The following VSTM4 variants were observed in gnomAD, a reference collection of about 807,000 sequenced individuals.
VSTM4 encodes V-set and transmembrane domain-containing protein 4.
A neutral mutation model predicts 36.4 loss-of-function variants in VSTM4; 20 were observed. The ratio of observed to expected loss-of-function variants is 0.55; its 90% CI spans 0.39 to 0.80. The LOEUF (loss-of-function observed/expected upper bound fraction) is 0.80. Ranked by LOEUF, VSTM4 falls within the 30% of genes least tolerant of loss-of-function variation. The probability of loss-of-function intolerance (pLI) is 0.00; values close to 1 mark genes in which losing one functional copy is unlikely to be tolerated. For synonymous variants in VSTM4, 182 were observed against 173.9 expected (o/e 1.05, Z -0.37); for missense variants, 392 against 404.5 (o/e 0.97, Z 0.26).
chr10:49,040,187 C>T (rs187671573), intron 7 of VSTM4, among the ~76,000 whole-genome samples: 6 of 152,294 alleles, frequency 3.9e-5, no homozygotes, highest in Admixed American at 3.9e-4. Context: ...ATTAGCAGAA[C>T]TTTGAAAGCA....
chr10:49,054,536 G>A (rs1442201662), intron 5 of VSTM4, among the ~76,000 whole-genome samples: 1 of 152,238 alleles, frequency 6.6e-6, no homozygotes, highest in Non-Finnish European at 1.5e-5. Flanking sequence ...AACAAGTGAT[G>A]TCAGCTGCCA....
chr10:49,054,193 C>T (rs555986187), intron 5 of VSTM4, among the ~76,000 whole-genome samples: 4 of 152,238 alleles, frequency 2.6e-5, no homozygotes, highest in African/African-American at 9.6e-5. Flanking sequence ...CAGGACCCAG[C>T]CCAGATAACA....
At chr10:49,067,903 A>G (rs1277389599) in intron 4 of VSTM4, among the ~76,000 whole-genome samples, 3 of 152,216 alleles carry the variant, frequency 2.0e-5, no homozygotes, top group Non-Finnish European at 2.9e-5. Context: ...CAAGACCCTT[A>G]TATAAAATGG....
Position 49,099,293 on chromosome 10 carries a change from C to T in VSTM4, c.457+8301G>A, listed in dbSNP as rs528877838. 9.8e-5 allele frequency among the ~76,000 whole-genome samples: 15 copies of T among 152,348 alleles called. No homozygotes were observed. In the South Asian group the frequency reaches 3.1e-3, roughly 32 times the overall value. On this transcript the variant is annotated intron_variant, in intron 2 of 7. Coordinates refer to ENST00000332853, the MANE Select transcript of VSTM4 (RefSeq NM_001031746.5). ...GAATCCTTTCGCAGAGAGAGCCTCC[C>T]AGCAGCATCCAGCAATGCTTAAGAT...
intron 5 of VSTM4, among the ~76,000 whole-genome samples, chr10:49,057,839 C>T (rs990099092): frequency 3.9e-5 from 6 of 152,216 alleles, no homozygotes; most frequent in African/African-American, 1.4e-4. Flanking sequence ...AAGCAAACAA[C>T]AGTGAGAAAT....
intron 7 of VSTM4, among the ~76,000 whole-genome samples, chr10:49,032,269 T>C (rs189986646): frequency 3.3e-5 from 5 of 152,324 alleles, no homozygotes; most frequent in African/African-American, 1.2e-4. Context: ...GTGGCGAGCA[T>C]GCAGACAGTA....
In VSTM4 at chr10:49,089,372, T is replaced by G. The variant is rs113483216; in HGVS notation, c.458-3349A>C. 2.5e-4 allele frequency among the ~76,000 whole-genome samples: 38 copies of G among 152,232 alleles called. 1 individual carries two copies. Among genetic ancestry groups the G allele is most frequent in the African/African-American group, 8.9e-4 (37 of 41,520 alleles). On this transcript the variant is annotated intron_variant, in intron 2 of 7. Coordinates refer to ENST00000332853, the MANE Select transcript of VSTM4 (RefSeq NM_001031746.5). Reference sequence around the variant, plus strand: ...TCAGTCCTTTGCCTCAGGGGGTGACTCTTCAATCTCTACACCTTGAATGAG... The same window carrying G: ...TCAGTCCTTTGCCTCAGGGGGTGACGCTTCAATCTCTACACCTTGAATGAG...
At chr10:49,110,188 G>A (rs1844867489) in intron 1 of VSTM4, among the ~76,000 whole-genome samples, 1 of 152,216 alleles carries the variant, frequency 6.6e-6, no homozygotes, top group Non-Finnish European at 1.5e-5. Context: ...CAAGATGGGT[G>A]GGATGAGAGT....
intron 1 of VSTM4, among the ~76,000 whole-genome samples, 196 bp from the exon 2 acceptor site, chr10:49,108,191 C>T (rs889116707): frequency 6.6e-5 from 10 of 152,206 alleles, no homozygotes; most frequent in Non-Finnish European, 1.5e-4. Flanking sequence ...CCCCCACTGT[C>T]TCATCTATGG....
rs569997601 is a variant in VSTM4, at chr10:49,014,516, C to T, written c.*5134G>A. The T allele has an allele frequency of 6.6e-6, 1 of 152,148 alleles. No homozygotes were observed. Among genetic ancestry groups the T allele is most frequent in the East Asian group, 1.9e-4 (1 of 5,178 alleles). 9.4% of individuals were successfully genotyped at this position (152,148 alleles called of 1,614,324 possible). Reference sequence around the variant, plus strand: ...AAGAGTCTTGTCCAAATCCCCACCCCCTGAGAAGATGAGGATTGCTCTGGG... The same window carrying T: ...AAGAGTCTTGTCCAAATCCCCACCCTCTGAGAAGATGAGGATTGCTCTGGG... On this transcript the variant is annotated 3_prime_UTR_variant, in exon 8 of 8. Transcript: ENST00000332853.
chr10:49,074,233 T>G (rs572283581), intron 4 of VSTM4, among the ~76,000 whole-genome samples: 1 of 152,404 alleles, frequency 6.6e-6, no homozygotes, highest in South Asian at 2.1e-4. Flanking sequence ...TGATTTTTCC[T>G]TTAATTATAA....
At chr10:49,068,297 T>C (rs1169893718) in intron 4 of VSTM4, among the ~76,000 whole-genome samples, 1 of 152,090 alleles carries the variant, frequency 6.6e-6, no homozygotes, top group Non-Finnish European at 1.5e-5. Context: ...TCCCATGAGC[T>C]GACCGGTGTT....
At chr10:49,084,970 A>T (rs1414032463) in intron 3 of VSTM4, among the ~76,000 whole-genome samples, 1 of 152,254 alleles carries the variant, frequency 6.6e-6, no homozygotes, top group East Asian at 1.9e-4. Context: ...GAGTACCCCC[A>T]AAAGCTGTGA....
chr10:49,071,512 C>T (rs1057267607), intron 4 of VSTM4, among the ~76,000 whole-genome samples: 2 of 152,180 alleles, frequency 1.3e-5, no homozygotes, highest in Admixed American at 1.3e-4. Context: ...CATATGTGTG[C>T]AATCAGCTCC....
chr10:49,110,577 G>A (rs1041179292), intron 1 of VSTM4, among the ~76,000 whole-genome samples: 3 of 152,070 alleles, frequency 2.0e-5, no homozygotes, highest in Non-Finnish European at 4.4e-5. Flanking sequence ...GTTAGCCCCA[G>A]GACCTAAGAA....
At position 49,018,782 on chromosome 10, in the gene VSTM4, C is replaced by G. The variant is rs1267215221; in HGVS notation, c.*868G>C. ...GGCGTGTACTTCCCACTCTCCTACCCTGAGGGCACCTGGCAGCAGACACCT... is the reference window on the plus strand; with the variant it reads ...GGCGTGTACTTCCCACTCTCCTACCGTGAGGGCACCTGGCAGCAGACACCT... On this transcript the variant is annotated 3_prime_UTR_variant, in exon 8 of 8. Transcript: ENST00000332853. 3.3e-5 allele frequency: 5 copies of G among 152,258 alleles called. No individual in the cohort carries two copies. The highest frequency in any genetic ancestry group is 9.6e-5 in the African/African-American group (4 of 41,462). 9.4% of individuals were successfully genotyped at this position (152,258 alleles called of 1,614,324 possible).
At chr10:49,040,851 T>C (rs928772782) in intron 7 of VSTM4, among the ~76,000 whole-genome samples, 1 of 152,104 alleles carries the variant, frequency 6.6e-6, no homozygotes, top group Non-Finnish European at 1.5e-5. Context: ...TGTCAATAAG[T>C]CAGTGGAGGT....
At position 49,021,125 on chromosome 10, in the gene VSTM4, C is replaced by T. The variant is rs945340085; in HGVS notation, c.838-1350G>A. On this transcript the variant is annotated intron_variant, in intron 7 of 7. Coordinates refer to ENST00000332853, the MANE Select transcript of VSTM4 (RefSeq NM_001031746.5). ...TTAAAATAAAGAATAATTGCTTATT[C>T]AAATCTAGTGATATTAACAATTAAA... Among the ~76,000 whole-genome samples the T allele has an allele frequency of 1.2e-4, 18 of 150,676 alleles. No individual in the cohort carries two copies. The South Asian group carries it at 2.5e-3, about 21-fold the overall frequency.
intron 2 of VSTM4, among the ~76,000 whole-genome samples, chr10:49,088,968 C>T (rs186683726): frequency 2.6e-4 from 39 of 152,308 alleles, no homozygotes; most frequent in African/African-American, 9.4e-4. Flanking sequence ...AATGGCAGGC[C>T]CCATGCCGGA....
Sources: gnomAD v4.1 joint callset for allele counts (sites outside exome capture counted in the v4.1 genomes callset) on GRCh38, gnomAD v4.1.1 for gene constraint, MANE v1.5 for transcripts, NCBI Gene and HGNC (gene_info 2026-07-23, HGNC 2026-07-21) for gene names.